STAU2: variants seen among roughly 807,000 people sequenced by gnomAD.
The protein encoded by STAU2 is staufen double-stranded RNA binding protein 2.
Under a neutral mutation model 65.9 loss-of-function variants are expected in STAU2, and 20 were observed. That is an observed-to-expected ratio of 0.30 (90% CI 0.21 to 0.44). The LOEUF (loss-of-function observed/expected upper bound fraction) is 0.44. STAU2 is among the 20% of genes least tolerant of loss of function. The pLI is 1.00. For missense variants in STAU2, 558 were observed against 683.9 expected (o/e 0.82, Z 2.05); for synonymous variants, 232 against 233.9 (o/e 0.99, Z 0.07).
intron 13 of STAU2, among the ~76,000 whole-genome samples, chr8:73,426,424 T>C (rs59464019): frequency 0.021 from 3,258 of 152,284 alleles, 109 homozygotes; most frequent in African/African-American, 0.076. Context: ...TATCTAGCTA[T>C]AATTTTGTAT....
intron 3 of STAU2, among the ~76,000 whole-genome samples, chr8:73,726,416 A>G (rs770878180): frequency 8.5e-5 from 13 of 152,344 alleles, no homozygotes; most frequent in Non-Finnish European, 1.6e-4. Context: ...CCTGTTTCCC[A>G]AAAACTGTTG....
At chr8:73,718,387 A>T (rs1821404041) in intron 3 of STAU2, among the ~76,000 whole-genome samples, 1 of 152,232 alleles carries the variant, frequency 6.6e-6, no homozygotes, top group Non-Finnish European at 1.5e-5. Context: ...CAAAATAACC[A>T]TCTTTGTAAA....
chr8:73,741,530 T>C (rs1219145453), intron 1 of STAU2, among the ~76,000 whole-genome samples: 1 of 151,846 alleles, frequency 6.6e-6, no homozygotes, highest in African/African-American at 2.4e-5. Context: ...TCTTTTTTTT[T>C]GAGACGGAGT....
intron 6 of STAU2, among the ~76,000 whole-genome samples, chr8:73,658,935 A>G (rs1816598332): frequency 2.7e-5 from 1 of 36,608 alleles, no homozygotes; most frequent in East Asian, 2.2e-3. Context: ...CAACAACAAC[A>G]AAAACAACAA....
At chr8:73,648,182 T>A (rs59969061) in intron 6 of STAU2, among the ~76,000 whole-genome samples, 31,132 of 152,202 alleles carry the variant, frequency 0.2, 3,556 homozygotes, top group East Asian at 0.37. Context: ...TCCAAATACG[T>A]ATCTTGAAAA....
At chr8:73,622,372 G>A (rs568269611) in intron 6 of STAU2, among the ~76,000 whole-genome samples, 7 of 152,122 alleles carry the variant, frequency 4.6e-5, no homozygotes, top group Admixed American at 3.3e-4. Context: ...TGATCCGCCC[G>A]CCTCGGCCTC....
intron 13 of STAU2, among the ~76,000 whole-genome samples, chr8:73,523,945 G>A (rs1249095206): frequency 2.6e-5 from 4 of 152,126 alleles, no homozygotes; most frequent in African/African-American, 9.7e-5. Flanking sequence ...ACTTTGGGAC[G>A]CTGAGGTGGG....
chr8:73,424,201 C>CTTTTTTTTTTTT (rs59063960), intron 13 of STAU2, among the ~76,000 whole-genome samples: 1 of 115,310 alleles, frequency 8.7e-6, no homozygotes, highest in African/African-American at 3.5e-5. Context: ...TCCTCTATGT[C>CTTTTTTTTTTTT]TTTTTTTTTT....
chr8:73,617,264 C>T (rs1234597636), intron 7 of STAU2, 28 bp downstream of exon 7: 2 of 1,605,108 alleles, frequency 1.2e-6, no homozygotes, highest in Non-Finnish European at 1.7e-6. Flanking sequence ...GTAGAAAGAA[C>T]AGACTGTCAC....
chr8:73,436,755 T>G (rs1585748780), intron 13 of STAU2, among the ~76,000 whole-genome samples: 1 of 151,730 alleles, frequency 6.6e-6, no homozygotes, highest in Admixed American at 6.6e-5. Flanking sequence ...CCCAGCTGAT[T>G]TTTGTATTTT....
At chr8:73,444,853 A>G (rs1318016686) in intron 13 of STAU2, among the ~76,000 whole-genome samples, 1 of 152,228 alleles carries the variant, frequency 6.6e-6, no homozygotes, top group African/African-American at 2.4e-5. Flanking sequence ...TTCCCTGTGA[A>G]GACACTTCCA....
chr8:73,505,875 C>A (rs780273934), intron 13 of STAU2, among the ~76,000 whole-genome samples: 6 of 152,006 alleles, frequency 3.9e-5, no homozygotes, highest in Non-Finnish European at 7.4e-5. Flanking sequence ...AGCATCATCC[C>A]CTTGGTGATA....
intron 6 of STAU2, among the ~76,000 whole-genome samples, chr8:73,626,451 A>G (rs950728546): frequency 1.3e-5 from 2 of 152,228 alleles, no homozygotes; most frequent in Non-Finnish European, 2.9e-5. Context: ...GCCACTGGAA[A>G]GTTTTAAGCA....
intron 9 of STAU2, among the ~76,000 whole-genome samples, chr8:73,605,852 C>CACACACAA (rs1271448153): frequency 4.5e-5 from 3 of 66,788 alleles, no homozygotes; most frequent in East Asian, 9.0e-4. Context: ...TACACACACA[C>CACACACAA]ACACACACAC....
intron 4 of STAU2, among the ~76,000 whole-genome samples, chr8:73,695,585 G>C (rs1308054451): frequency 1.3e-5 from 2 of 152,158 alleles, no homozygotes; most frequent in Non-Finnish European, 2.9e-5. Flanking sequence ...AGACAGAAAA[G>C]TAAAGGGAAC....
At chr8:73,636,202 C>G (rs1489478156) in intron 6 of STAU2, among the ~76,000 whole-genome samples, 1 of 152,056 alleles carries the variant, frequency 6.6e-6, no homozygotes, top group African/African-American at 2.4e-5. Context: ...AAAGATAAGA[C>G]AACAAAACCC....
chr8:73,615,840 T>A (rs1272326007), intron 7 of STAU2, 58 bp from the exon 8 acceptor site: 1 of 1,290,040 alleles, frequency 7.8e-7, no homozygotes, highest in Non-Finnish European at 1.1e-6. Context: ...ACTTTACTTT[T>A]ATTCTACAGT....
chr8:73,509,931 G>C (rs1563393509), intron 13 of STAU2, among the ~76,000 whole-genome samples: 2 of 152,226 alleles, frequency 1.3e-5, no homozygotes, highest in East Asian at 3.9e-4. Flanking sequence ...TGTTAGAAAT[G>C]CTTATTTTTT....
At chr8:73,688,925 G>A (rs1819136198) in intron 4 of STAU2, 112 bp from the exon 5 acceptor site, 2 of 1,249,130 alleles carry the variant, frequency 1.6e-6, no homozygotes, top group South Asian at 2.9e-5. Context: ...AGCTAGAGGT[G>A]ACCTTACCTA....
Sources: allele counts gnomAD v4.1 joint callset (sites outside exome capture counted in the v4.1 genomes callset), GRCh38; gene constraint gnomAD v4.1.1; transcripts MANE v1.5; gene names NCBI Gene and HGNC (gene_info 2026-07-23, HGNC 2026-07-21).